IDE: variants seen among roughly 807,000 people sequenced by gnomAD.
IDE encodes the protein insulin degrading enzyme.
In IDE, 58 loss-of-function variants were observed where a neutral mutation model predicts 133.2. The ratio of observed to expected loss-of-function variants is 0.44; its 90% CI spans 0.35 to 0.54. IDE has a LOEUF of 0.54. Ranked by LOEUF, IDE falls within the 20% of genes least tolerant of loss-of-function variation. IDE has a pLI of 0.00. For synonymous variants in IDE, 396 were observed against 421.3 expected, an observed-to-expected ratio of 0.94 and a Z score of 0.73; for missense variants, 981 against 1,234.0, an observed-to-expected ratio of 0.79 and a Z score of 3.07.
At position 92,494,005 on chromosome 10, in the gene IDE, C is replaced by T. The variant is rs1182059205; in HGVS notation, c.1431-3410G>A. Among the ~76,000 whole-genome samples, 7 of 152,208 alleles carry T rather than the reference C, an allele frequency of 4.6e-5. No homozygotes were observed. The South Asian group carries it at 1.2e-3, about 27-fold the overall frequency. The stretch of plus-strand genomic sequence containing the variant: ...TACAGACACCTATAGTATACACAAC[C>T]GCAGACAGTTGAGAAAAACTAGTAC... On this transcript the variant is annotated intron_variant, in intron 11 of 24. Transcript: ENST00000265986.
intron 4 of IDE, among the ~76,000 whole-genome samples, chr10:92,519,946 A>T (rs1849132174): frequency 6.6e-6 from 1 of 152,234 alleles, no homozygotes; most frequent in Non-Finnish European, 1.5e-5. Context: ...CCTACTAAAA[A>T]TACAAAAATT....
intron 5 of IDE, among the ~76,000 whole-genome samples, chr10:92,514,706 AT>A (rs138399649): frequency 6.6e-6 from 1 of 151,590 alleles, no homozygotes; most frequent in African/African-American, 2.4e-5. Context: ...AGTAATTTGT[AT>A]TTTTTTTCAG....
intron 1 of IDE, among the ~76,000 whole-genome samples, chr10:92,538,740 G>T (rs1842145495): frequency 6.8e-6 from 1 of 147,226 alleles, no homozygotes; most frequent in Non-Finnish European, 1.5e-5. Context: ...GAGTAGGGTA[G>T]ATGTAACTTT....
At chr10:92,511,428 T>C (rs1401140151) in intron 5 of IDE, among the ~76,000 whole-genome samples, 2 of 152,164 alleles carry the variant, frequency 1.3e-5, no homozygotes, top group East Asian at 3.8e-4. Context: ...ATAAACAAGA[T>C]AACCTCTCAT....
At chr10:92,488,434 G>A (rs1030155783) in intron 12 of IDE, among the ~76,000 whole-genome samples, 18 of 152,200 alleles carry the variant, frequency 1.2e-4, no homozygotes, top group African/African-American at 4.3e-4. Context: ...ACCTCTCCCA[G>A]ATGATCATGT....
chr10:92,499,403 C>T (rs540353442), intron 11 of IDE, among the ~76,000 whole-genome samples: 10 of 151,854 alleles, frequency 6.6e-5, no homozygotes, highest in Admixed American at 5.9e-4. Flanking sequence ...CTTTGGTCTC[C>T]CAAAGTGCTA....
chr10:92,517,045 G>C (rs985841790), intron 4 of IDE, among the ~76,000 whole-genome samples: 1 of 152,204 alleles, frequency 6.6e-6, no homozygotes, highest in African/African-American at 2.4e-5. Flanking sequence ...TACTAAGTGA[G>C]ATCCTGTCTT....
chr10:92,467,580 G>A lies in IDE; in HGVS notation c.2320+1299C>T, dbSNP rs138429275. ...CAAAAGAGATTAAGATCCTAGGAAA[G>A]GAGACAGAAAGAGGGAAGTAGAGTC... is the stretch of plus-strand genomic sequence containing the variant. On this transcript the variant is annotated intron_variant, in intron 19 of 24. Coordinates refer to ENST00000265986, the MANE Select transcript of IDE (RefSeq NM_004969.4). Among the ~76,000 whole-genome samples, 99 of 152,306 alleles carry A rather than the reference G, an allele frequency of 6.5e-4. 2 individuals are homozygous for A. The East Asian group carries it at 0.018, about 27-fold the overall frequency.
chr10:92,527,663 T>C (rs1849699424), intron 4 of IDE, among the ~76,000 whole-genome samples: 3 of 152,222 alleles, frequency 2.0e-5, no homozygotes. Context: ...TTTTACAGCT[T>C]TGTTAAATAT....
intron 4 of IDE, 124 bp from the exon 5 acceptor site, chr10:92,515,166 T>C: frequency 1.4e-6 from 1 of 710,204 alleles, no homozygotes; most frequent in Admixed American, 2.5e-5. Context: ...ACAGAATAAC[T>C]CAAATTTATT....
At chr10:92,524,971 C>A (rs886138558) in intron 4 of IDE, among the ~76,000 whole-genome samples, 4 of 148,260 alleles carry the variant, frequency 2.7e-5, no homozygotes, top group African/African-American at 1.0e-4. Flanking sequence ...AAACATGATA[C>A]ATCACAGGGT....
At chr10:92,489,015 TA>T (rs202119290) in intron 12 of IDE, among the ~76,000 whole-genome samples, 31 of 145,196 alleles carry the variant, frequency 2.1e-4, no homozygotes, top group Admixed American at 2.8e-4. Flanking sequence ...CCTGTCTATT[TA>T]AAAAAAAAAA....
chr10:92,555,170 T>C (rs1307603194), intron 1 of IDE, among the ~76,000 whole-genome samples: 1 of 152,154 alleles, frequency 6.6e-6, no homozygotes, highest in Non-Finnish European at 1.5e-5. Context: ...AATGATAATT[T>C]TCTGATTCTG....
chr10:92,461,972 C>A (rs1004689891), intron 21 of IDE, among the ~76,000 whole-genome samples: 10 of 152,226 alleles, frequency 6.6e-5, no homozygotes, highest in African/African-American at 1.2e-4. Context: ...CTGTGCCTAG[C>A]CAAGCATCCA....
At chr10:92,555,890 T>C (rs1246301049) in intron 1 of IDE, among the ~76,000 whole-genome samples, 1 of 152,116 alleles carries the variant, frequency 6.6e-6, no homozygotes, top group East Asian at 1.9e-4. Flanking sequence ...AAGAAAAAAG[T>C]AGGCCGGGCG....
chr10:92,514,946 A>G lies in IDE; in HGVS notation c.758T>C (p.Leu253Ser), dbSNP rs1353319153. ...TCGACCTAAAACACAAACAGCCATT[A>G]AGTTGGATGAATAGTAAGCAGAATG... ...KFHSAYYSSN[L>S]MAVCVLGRES... The change falls in exon 5 of 25, where the codon TTA (leucine) becomes TCA (serine). Residue 253 changes from leucine to serine, a missense_variant. Transcript: ENST00000265986. 6.2e-7 allele frequency: 1 copy of G among 1,612,482 alleles called. No homozygotes were observed. Among genetic ancestry groups the G allele is most frequent in the Admixed American group, 1.7e-5 (1 of 59,912 alleles).
At chr10:92,532,438 A>T (rs1849989930) in intron 3 of IDE, among the ~76,000 whole-genome samples, 1 of 152,166 alleles carries the variant, frequency 6.6e-6, no homozygotes, top group Admixed American at 6.5e-5. Flanking sequence ...ATGTAGAAAA[A>T]CAAACTTGAA....
At chr10:92,480,114 C>T (rs1217122673) in intron 14 of IDE, among the ~76,000 whole-genome samples, 2 of 152,334 alleles carry the variant, frequency 1.3e-5, no homozygotes, top group East Asian at 3.8e-4. Flanking sequence ...CCACAGTGAT[C>T]AACTAAACTT....
chr10:92,459,095 A>T (rs1845211404), intron 22 of IDE, among the ~76,000 whole-genome samples: 1 of 152,198 alleles, frequency 6.6e-6, no homozygotes, highest in African/African-American at 2.4e-5. Flanking sequence ...TCAGTTCTGA[A>T]ACTATAGTCT....
Sources: gnomAD v4.1 joint callset for allele counts (sites outside exome capture counted in the v4.1 genomes callset) on GRCh38, gnomAD v4.1.1 for gene constraint, MANE v1.5 for transcripts, NCBI Gene and HGNC (gene_info 2026-07-23, HGNC 2026-07-21) for gene names.